The following OMA1 variants were observed in gnomAD, a reference collection of about 807,000 sequenced individuals.
OMA1 encodes metalloendopeptidase OMA1, mitochondrial.
In OMA1, 38 loss-of-function variants were observed where a neutral mutation model predicts 30.9. That is an observed-to-expected ratio of 1.23 (90% CI 0.95 to 1.61). The LOEUF is 1.61. OMA1 is among the 40% of genes most tolerant of loss of function. The pLI is 0.00. For missense variants in OMA1, 461 were observed against 349.2 expected (o/e 1.32, Z -2.55); for synonymous variants, 173 against 121.9 (o/e 1.42, Z -2.76).
chr1:58,505,250 T>C (rs1645969392), intron 8 of OMA1, among the ~76,000 whole-genome samples: 1 of 152,206 alleles, frequency 6.6e-6, no homozygotes, highest in Non-Finnish European at 1.5e-5. Flanking sequence ...GATACTTCTA[T>C]AATACACCTG....
chr1:58,530,068 A>G lies in OMA1; in HGVS notation c.1140+533T>C, dbSNP rs548339672. Among the ~76,000 whole-genome samples the G allele has an allele frequency of 3.3e-4, 50 of 152,238 alleles. No homozygotes were observed. The South Asian group carries it at 0.01, about 32-fold the overall frequency. On this transcript the variant is annotated intron_variant, in intron 6 of 8. Transcript: ENST00000371226. ...GCTAATTTTTTTGTATTTTTAGTAG[A>G]GACAGGGTTTCACCACGTTAGCCAG...
rs780548567 is a variant in OMA1, at chr1:58,533,955, C to T, written c.1009G>A (p.Ala337Thr). 1.1e-6 allele frequency: 1 copy of T among 872,042 alleles called. No individual in the cohort carries two copies. Among genetic ancestry groups the T allele is most frequent in the Non-Finnish European group, 2.0e-6 (1 of 501,176 alleles). The allele number at this position is 872,042 out of a possible 1,614,324, so 54.0% of individuals were successfully genotyped here. The change falls in exon 5 of 9, where the codon GCT (alanine) becomes ACT (threonine). Residue 337 changes from alanine to threonine, a missense_variant and splice_region_variant. Transcript: ENST00000371226. ...HEIAHAVLGH[A>T]AEKAGMVHLL... ...GAACATTCATTTTAGGTACTTACAG[C>T]ATGCCCAAGTACTGCATGTGCTATT...
intron 8 of OMA1, among the ~76,000 whole-genome samples, chr1:58,484,460 G>C (rs191097677): frequency 1.3e-3 from 196 of 152,232 alleles, no homozygotes; most frequent in African/African-American, 4.5e-3. Context: ...GCATACTTGA[G>C]TTATTCACAG....
intron 8 of OMA1, among the ~76,000 whole-genome samples, chr1:58,504,556 G>T (rs1645956921): frequency 6.6e-6 from 1 of 151,934 alleles, no homozygotes; most frequent in Admixed American, 6.6e-5. Flanking sequence ...CATACTATAT[G>T]TTTGTTTCTT....
At chr1:58,503,505 C>G (rs1276323192) in intron 8 of OMA1, among the ~76,000 whole-genome samples, 1 of 152,000 alleles carries the variant, frequency 6.6e-6, no homozygotes, top group East Asian at 1.9e-4. Context: ...GAGTGAATGT[C>G]TGTGTCCTGT....
In OMA1 at chr1:58,481,053, G is replaced by GT. The variant is rs761913356; in HGVS notation, c.1486dup (p.Thr496AsnfsTer24). 2.3e-6 allele frequency: 2 copies of GT among 871,544 alleles called. No individual in the cohort carries two copies. Among genetic ancestry groups the GT allele is most frequent in the South Asian group, 2.6e-5 (2 of 76,468 alleles). 54.0% of individuals were successfully genotyped at this position (871,544 alleles called of 1,614,324 possible). ...AAGAGTATCCATTTTCTGTTTCTTC[G>GT]TGATATTTAGGTCTTCTTTCTCTGA... On this transcript the variant is annotated frameshift_variant, in exon 9 of 9. Transcript: ENST00000371226. LOFTEE classifies it high-confidence loss of function.
chr1:58,546,116 C>G (rs193296451), intron 1 of OMA1, among the ~76,000 whole-genome samples: 6 of 152,338 alleles, frequency 3.9e-5, no homozygotes, highest in African/African-American at 9.6e-5. Flanking sequence ...ACAGTGAGTT[C>G]TGTAGACGAG....
rs948884241 is a variant in OMA1, at chr1:58,529,089, A to G, written c.1140+1512T>C. On this transcript the variant is annotated intron_variant, in intron 6 of 8. Coordinates refer to ENST00000371226, the MANE Select transcript of OMA1 (RefSeq NM_145243.5). The stretch of plus-strand genomic sequence containing the variant: ...CAGTGACAGAAACAAAATTCAAAAT[A>G]TGAGATCCTACAACCTAAGGAATAA... Among the ~76,000 whole-genome samples, 39 of 152,354 alleles carry G rather than the reference A, an allele frequency of 2.6e-4. 1 individual carries two copies. The highest frequency in any genetic ancestry group is 3.4e-3 in the Middle Eastern group (1 of 294).
intron 8 of OMA1, among the ~76,000 whole-genome samples, chr1:58,488,742 G>T (rs149449339): frequency 6.6e-6 from 1 of 152,144 alleles, no homozygotes; most frequent in Non-Finnish European, 1.5e-5. Context: ...GAGCCACCAC[G>T]CCCAGCCCCA....
intron 1 of OMA1, among the ~76,000 whole-genome samples, chr1:58,543,536 C>T (rs1389402594): frequency 6.6e-6 from 1 of 152,116 alleles, no homozygotes; most frequent in Non-Finnish European, 1.5e-5. Context: ...TGCCTTATTT[C>T]ACCACTAACC....
chr1:58,484,594 C>T (rs769730890), intron 8 of OMA1, among the ~76,000 whole-genome samples: 4 of 152,018 alleles, frequency 2.6e-5, no homozygotes, highest in Non-Finnish European at 5.9e-5. Context: ...AGTTAAATGC[C>T]GGGCAAGGAA....
At position 58,530,867 on chromosome 1, in the gene OMA1, T is replaced by G. The variant is rs981942500; in HGVS notation, c.1012-138A>C. The G allele has an allele frequency of 6.8e-6, 4 of 590,342 alleles. No individual in the cohort carries two copies. The African/African-American group carries it at 7.4e-5, about 11-fold the overall frequency. The allele number at this position is 590,342 out of a possible 1,614,324, so 36.6% of individuals were successfully genotyped here. On this transcript the variant is annotated intron_variant, in intron 5 of 8. Transcript: ENST00000371226. ...AGAGTTCTCTTTTTCTTCTTTTGCT[T>G]ATTCTTTCCGGGTCTGTTTTTCCCT...
At chr1:58,530,393 C>A (rs776591648) in intron 6 of OMA1, among the ~76,000 whole-genome samples, 7 of 152,166 alleles carry the variant, frequency 4.6e-5, no homozygotes, top group Non-Finnish European at 7.3e-5. Flanking sequence ...ACTCTCCATA[C>A]CCATCATTTG....
intron 1 of OMA1, 23 bp from the exon 2 acceptor site, chr1:58,539,333 A>C: frequency 3.8e-6 from 3 of 780,530 alleles, no homozygotes; most frequent in South Asian, 1.6e-5. Context: ...AAAAACTATA[A>C]ATATCTGTGG....
intron 7 of OMA1, among the ~76,000 whole-genome samples, chr1:58,506,976 T>C (rs1264515999): frequency 6.6e-6 from 1 of 152,098 alleles, no homozygotes; most frequent in African/African-American, 2.4e-5. Flanking sequence ...TACTCATACG[T>C]ATATACTTGT....
intron 8 of OMA1, among the ~76,000 whole-genome samples, chr1:58,483,405 A>C (rs1368367265): frequency 6.6e-6 from 1 of 152,158 alleles, no homozygotes; most frequent in African/African-American, 2.4e-5. Flanking sequence ...ACGTTCTCTA[A>C]GTGAATGGGG....
At position 58,493,528 on chromosome 1, in the gene OMA1, A is replaced by G. The variant is rs910738962; in HGVS notation, c.1366-12354T>C. On this transcript the variant is annotated intron_variant, in intron 8 of 8. Transcript: ENST00000371226. ...TATATCTAGAAAACCCCATCGTCTC[A>G]GCCCAAAATCTCCTTAAGCTGATAA... Among the ~76,000 whole-genome samples, 320 of 151,696 alleles carry G rather than the reference A, an allele frequency of 2.1e-3. 1 individual carries two copies. The highest frequency in any genetic ancestry group is 3.5e-3 in the Non-Finnish European group (238 of 67,924).
chr1:58,514,220 A>T (rs1344211906), intron 7 of OMA1, among the ~76,000 whole-genome samples: 1 of 152,232 alleles, frequency 6.6e-6, no homozygotes, highest in Admixed American at 6.5e-5. Flanking sequence ...ATGAATATGC[A>T]TTAAGGAACA....
chr1:58,536,447 T>A, intron 3 of OMA1, 66 bp downstream of exon 3: 1 of 738,140 alleles, frequency 1.4e-6, no homozygotes, highest in Non-Finnish European at 2.4e-6. Context: ...CTTTCACATT[T>A]AAGATACTTT....
Sources: gnomAD v4.1 joint callset for allele counts (sites outside exome capture counted in the v4.1 genomes callset) on GRCh38, gnomAD v4.1.1 for gene constraint, MANE v1.5 for transcripts, NCBI Gene and HGNC (gene_info 2026-07-23, HGNC 2026-07-21) for gene names.